Variants in MEGF8 observed in about 807,000 individuals in gnomAD.
The protein encoded by MEGF8 is multiple epidermal growth factor-like domains protein 8.
A neutral mutation model predicts 302.9 loss-of-function variants in MEGF8; 156 were observed. The observed-to-expected ratio is 0.52, with a 90% CI of 0.45 to 0.59. The LOEUF (loss-of-function observed/expected upper bound fraction) is 0.59, where lower values mean the gene tolerates loss of function less well. Among genes scored for constraint, MEGF8 ranks in the 20% least tolerant of loss-of-function variants. The probability of loss-of-function intolerance (pLI) is 0.00; values close to 1 mark genes in which losing one functional copy is unlikely to be tolerated. For missense variants in MEGF8, 3,345 were observed against 3,964.5 expected (o/e 0.84, Z 4.20); for synonymous variants, 1,621 against 1,660.5 (o/e 0.98, Z 0.58).
In MEGF8 at chr19:42,369,731, G is replaced by A. The variant is rs766064922; in HGVS notation, c.6834+8G>A. ...TGCCGCAACCACACCAAGGTGGGCC[G>A]CCCGGAGCCTCAGACCCCCGACCCT... On this transcript the variant is annotated splice_region_variant and intron_variant, in intron 38 of 41. Coordinates refer to ENST00000251268, the MANE Select transcript of MEGF8 (RefSeq NM_001271938.2). The surrounding 1 kb of genome is among the most constrained non-coding windows in gnomAD (Gnocchi z 5.7). The A allele has an allele frequency of 3.4e-5, 54 of 1,593,588 alleles. No homozygotes were observed. The highest frequency in any genetic ancestry group is 3.9e-5 in the Non-Finnish European group (46 of 1,171,596).
intron 8 of MEGF8, among the ~76,000 whole-genome samples, chr19:42,338,353 C>T (rs963060551): frequency 6.6e-6 from 1 of 152,056 alleles, no homozygotes; most frequent in Admixed American, 6.6e-5. Flanking sequence ...GATCCTCCCG[C>T]CTCAGCCTCC....
rs140796510 is a variant in MEGF8, at chr19:42,377,840, C to A, written c.*1065C>A. 1 of 151,602 alleles carries A rather than the reference C, an allele frequency of 6.6e-6. No homozygotes were observed. 9.4% of individuals were successfully genotyped at this position (151,602 alleles called of 1,614,324 possible). On this transcript the variant is annotated 3_prime_UTR_variant, in exon 42 of 42. Coordinates refer to ENST00000251268, the MANE Select transcript of MEGF8 (RefSeq NM_001271938.2). ...CTCAGTTGTGCTGTGGAGAATGGAC[C>A]GGAGGGACAAGAGGGGCAGCAGGGA...
At chr19:42,363,545 A>G (rs2039563121) in intron 35 of MEGF8, among the ~76,000 whole-genome samples, 1 of 151,876 alleles carries the variant, frequency 6.6e-6, no homozygotes, top group African/African-American at 2.4e-5. Flanking sequence ...TGGTCTCCTC[A>G]TCCTTTCCAT....
chr19:42,372,074 A>ACAACAACAACAAAC (rs1555784681), intron 41 of MEGF8, among the ~76,000 whole-genome samples: 4 of 79,230 alleles, frequency 5.0e-5, no homozygotes, highest in African/African-American at 1.5e-4. Context: ...AACAACAACA[A>ACAACAACAACAAAC]ACACACACAC....
At chr19:42,349,230 G>A (rs1180332011) in intron 13 of MEGF8, among the ~76,000 whole-genome samples, 1 of 150,650 alleles carries the variant, frequency 6.6e-6, no homozygotes, top group Non-Finnish European at 1.5e-5. Flanking sequence ...AACCTGGGAA[G>A]TTGAGGCTGC....
intron 8 of MEGF8, among the ~76,000 whole-genome samples, chr19:42,340,538 T>C (rs889062087): frequency 3.9e-5 from 6 of 152,158 alleles, no homozygotes; most frequent in Admixed American, 3.9e-4. Flanking sequence ...CTAATTTTTG[T>C]ATTTTTTTAG....
At chr19:42,370,669 T>C (rs775877737) in intron 39 of MEGF8, 32 bp from the exon 40 acceptor site, 4 of 1,581,212 alleles carry the variant, frequency 2.5e-6, no homozygotes, top group Non-Finnish European at 3.4e-6. Context: ...GGTCCAGGCC[T>C]TTCTATGATC....
rs1376973638 is a variant in MEGF8 at position 42,377,063 on chromosome 19, A to C, written c.*288A>C. ...TGGTGAAGGGAGACAATCAGTGCAC[A>C]TGCACACACCCCACACGCATACACA... On this transcript the variant is annotated 3_prime_UTR_variant, in exon 42 of 42. Coordinates refer to ENST00000251268, the MANE Select transcript of MEGF8 (RefSeq NM_001271938.2). 3 of 401,786 alleles carry C rather than the reference A, an allele frequency of 7.5e-6. No homozygotes were observed. The highest frequency in any genetic ancestry group is 1.3e-5 in the Non-Finnish European group (3 of 227,002). 24.9% of individuals were successfully genotyped at this position (401,786 alleles called of 1,614,324 possible).
chr19:42,366,952 CAG>C (rs1190597698), intron 35 of MEGF8, among the ~76,000 whole-genome samples: 2 of 152,316 alleles, frequency 1.3e-5, no homozygotes, highest in East Asian at 3.9e-4. Context: ...TCAGTGGGCT[CAG>C]AGCTCCAGCC....
intron 35 of MEGF8, among the ~76,000 whole-genome samples, chr19:42,367,114 GT>G (rs2039616818): frequency 6.6e-6 from 1 of 152,124 alleles, no homozygotes; most frequent in Non-Finnish European, 1.5e-5. Context: ...ACTGAGGTAA[GT>G]TCCCAAGAGC....
chr19:42,368,499 C>A lies in MEGF8; in HGVS notation c.6318C>A (p.Gly2106=). 6.2e-7 allele frequency: 1 copy of A among 1,609,810 alleles called. No individual in the cohort carries two copies. Among genetic ancestry groups the A allele is most frequent in the Non-Finnish European group, 8.5e-7 (1 of 1,178,746 alleles). The change falls in exon 36 of 42, where the codon GGC becomes GGA. Residue 2106 remains glycine (G), a synonymous_variant. Coordinates refer to ENST00000251268, the MANE Select transcript of MEGF8 (RefSeq NM_001271938.2). This position sits in a 1 kb window ranked among gnomAD's most constrained non-coding sequence, Gnocchi z 4.9. The part of the protein sequence containing the change: ...SYLPLRCMAG[G]CGRLLRGPES... The stretch of plus-strand genomic sequence containing the variant: ...TGCCCCTGCGATGTATGGCCGGAGG[C>A]TGTGGGCGGCTGCTCCGGGGACCTG...
Position 42,326,198 on chromosome 19 carries a change from T to G in MEGF8, c.-46T>G. On this transcript the variant is annotated 5_prime_UTR_variant, in exon 1 of 42. Transcript: ENST00000251268. ...CCCCGGGTAGAGGGTCCTCTCCAGG[T>G]TTTTACGGCCTGTCCCCGCTCTAAG... is the stretch of plus-strand genomic sequence containing the variant. 2 of 1,457,852 alleles carry G rather than the reference T, an allele frequency of 1.4e-6. No individual in the cohort carries two copies. The highest frequency in any genetic ancestry group is 1.8e-6 in the Non-Finnish European group (2 of 1,111,508). The allele number at this position is 1,457,852 out of a possible 1,614,324, so 90.3% of individuals were successfully genotyped here. A position where few individuals can be genotyped will look rare whatever the true frequency, so the allele number is the denominator to read the frequency against.
Position 42,358,240 on chromosome 19 carries a change from C to A in MEGF8, c.5108C>A (p.Pro1703His). The change falls in exon 29 of 42, where the codon CCC becomes CAC. Residue 1703 changes from proline to histidine, a missense_variant. Coordinates refer to ENST00000251268, the MANE Select transcript of MEGF8 (RefSeq NM_001271938.2). The surrounding 1 kb of genome is among the most constrained non-coding windows in gnomAD (Gnocchi z 4.4). ...RFHVELAAPSPELYSLHCPDR... is the reference protein window; with the variant it reads ...RFHVELAAPSHELYSLHCPDR... Reference sequence around the variant, plus strand: ...CATGTGGAGCTGGCGGCCCCATCCCCCGAGCTCTACTCCCTGCACTGTCCT... The same window carrying A: ...CATGTGGAGCTGGCGGCCCCATCCCACGAGCTCTACTCCCTGCACTGTCCT... The A allele has an allele frequency of 6.2e-7, 1 of 1,605,026 alleles. No individual in the cohort carries two copies. Among genetic ancestry groups the A allele is most frequent in the Non-Finnish European group, 8.5e-7 (1 of 1,176,308 alleles).
rs374611210 is a variant in MEGF8 at position 42,361,018 on chromosome 19, G to A, written c.5720+12G>A. The A allele has an allele frequency of 5.5e-5, 85 of 1,533,830 alleles. No homozygotes were observed. The highest frequency in any genetic ancestry group is 7.2e-5 in the Non-Finnish European group (82 of 1,140,562). On this transcript the variant is annotated intron_variant, in intron 32 of 41. Transcript: ENST00000251268. ...GATCAGGCCCACAGGTAACCATGGC[G>A]ACCATGACAGGCAGTGGGGAGTGGA...
chr19:42,366,195 G>A lies in MEGF8; in HGVS notation c.6274-2260G>A, dbSNP rs966543795. The stretch of plus-strand genomic sequence containing the variant: ...AGGGCTGCCTGATTCTAACCATCCC[G>A]CATTGTTCTTTTTTTCTTTTTTTGA... On this transcript the variant is annotated intron_variant, in intron 35 of 41. Transcript: ENST00000251268. 2.3e-4 allele frequency among the ~76,000 whole-genome samples: 35 copies of A among 152,128 alleles called. 1 individual carries two copies. The highest frequency in any genetic ancestry group is 7.7e-4 in the African/African-American group (32 of 41,430).
intron 12 of MEGF8, among the ~76,000 whole-genome samples, chr19:42,345,413 A>T (rs1330883733): frequency 6.6e-6 from 1 of 152,250 alleles, no homozygotes; most frequent in Admixed American, 6.5e-5. Flanking sequence ...CCCAGAGGAC[A>T]ACCCTGGACT....
intron 41 of MEGF8, among the ~76,000 whole-genome samples, chr19:42,373,706 G>GTTTTTTT (rs750576656): frequency 2.4e-4 from 24 of 100,982 alleles, no homozygotes; most frequent in Non-Finnish European, 3.4e-4. Context: ...GGGCTTTTGG[G>GTTTTTTT]TTTTTTTTTT....
In MEGF8 at chr19:42,368,202, G is replaced by A. The variant is rs1344337265; in HGVS notation, c.6274-253G>A. On this transcript the variant is annotated intron_variant, in intron 35 of 41. Coordinates refer to ENST00000251268, the MANE Select transcript of MEGF8 (RefSeq NM_001271938.2). The surrounding 1 kb of genome is among the most constrained non-coding windows in gnomAD (Gnocchi z 4.9). ...CAAAGTATTGGGATTACAGGTGTGA[G>A]CCACTGCGGCCAGGCAACCTTCCAG... Among the ~76,000 whole-genome samples, 1 of 152,166 alleles carries A rather than the reference G, an allele frequency of 6.6e-6. No individual in the cohort carries two copies. Among genetic ancestry groups the A allele is most frequent in the Non-Finnish European group, 1.5e-5 (1 of 68,038 alleles).
chr19:42,350,430 C>T (rs1210984224), intron 15 of MEGF8, 46 bp downstream of exon 15: 2 of 1,441,722 alleles, frequency 1.4e-6, no homozygotes, highest in Non-Finnish European at 9.1e-7. Context: ...GAGGGAGCCA[C>T]AGCAGGCAAT....
Sources: allele counts gnomAD v4.1 joint callset (sites outside exome capture counted in the v4.1 genomes callset), GRCh38; gene constraint gnomAD v4.1.1; non-coding constraint Gnocchi (gnomAD v3.1); transcripts MANE v1.5; gene names NCBI Gene and HGNC (gene_info 2026-07-23, HGNC 2026-07-21).